TOX: variants seen among roughly 807,000 people sequenced by gnomAD.
The protein encoded by TOX is thymocyte selection associated high mobility group box.
Under a neutral mutation model 53.7 loss-of-function variants are expected in TOX, and 11 were observed. The observed-to-expected ratio is 0.20, with a 90% confidence interval of 0.13 to 0.34. The LOEUF (loss-of-function observed/expected upper bound fraction) is 0.34. Among genes scored for constraint, TOX ranks in the 10% least tolerant of loss-of-function variants. TOX has a pLI of 1.00. For missense variants in TOX, 570 were observed against 664.6 expected (o/e 0.86, Z 1.56); for synonymous variants, 225 against 245.3 (o/e 0.92, Z 0.77).
At chr8:58,862,978 A>G (rs1429918567) in intron 3 of TOX, among the ~76,000 whole-genome samples, 1 of 152,156 alleles carries the variant, frequency 6.6e-6, no homozygotes, top group Non-Finnish European at 1.5e-5. Flanking sequence ...AACTAATAAT[A>G]AGGTTTTAAT....
intron 3 of TOX, among the ~76,000 whole-genome samples, chr8:58,874,802 C>A (rs1023981753): frequency 6.6e-6 from 1 of 152,132 alleles, no homozygotes; most frequent in South Asian, 2.1e-4. Flanking sequence ...TATATCTAAA[C>A]CAGGGTGTCC....
chr8:59,059,083 G>A (rs893083452), intron 1 of TOX, among the ~76,000 whole-genome samples: 14 of 152,110 alleles, frequency 9.2e-5, no homozygotes, highest in African/African-American at 2.4e-5. Flanking sequence ...GAGGTATACC[G>A]GCAGCTTTTC....
At chr8:58,951,811 C>T (rs77756403) in intron 2 of TOX, among the ~76,000 whole-genome samples, 1,757 of 152,276 alleles carry the variant, frequency 0.012, 22 homozygotes, top group African/African-American at 0.039. Context: ...ACTTGTTTGG[C>T]TTTGCTACTG....
intron 2 of TOX, among the ~76,000 whole-genome samples, chr8:58,940,904 A>G (rs1319079381): frequency 6.6e-6 from 1 of 152,230 alleles, no homozygotes; most frequent in African/African-American, 2.4e-5. Context: ...ATCAGAAGAC[A>G]AGACTAAATG....
At chr8:59,102,264 G>C (rs1314499772) in intron 1 of TOX, among the ~76,000 whole-genome samples, 1 of 151,892 alleles carries the variant, frequency 6.6e-6, no homozygotes, top group Non-Finnish European at 1.5e-5. Flanking sequence ...GTCTTGCTTT[G>C]TCCCCCAGCC....
At chr8:59,029,890 C>T (rs960717039) in intron 1 of TOX, among the ~76,000 whole-genome samples, 1 of 152,146 alleles carries the variant, frequency 6.6e-6, no homozygotes, top group Non-Finnish European at 1.5e-5. Context: ...GGCAGAATCC[C>T]TCACACAATG....
intron 7 of TOX, 131 bp downstream of exon 7, chr8:58,815,207 T>C (rs1251267893): frequency 3.3e-6 from 4 of 1,218,722 alleles, no homozygotes; most frequent in Non-Finnish European, 4.4e-6. Context: ...TCTTTAGTGC[T>C]CTCTTGACTT....
intron 1 of TOX, among the ~76,000 whole-genome samples, chr8:58,978,777 C>T (rs1813151812): frequency 6.6e-6 from 1 of 152,122 alleles, no homozygotes; most frequent in Non-Finnish European, 1.5e-5. Context: ...ATTAGGGTTC[C>T]CTGTTGGTAT....
At chr8:58,834,685 C>T (rs536673141) in intron 5 of TOX, among the ~76,000 whole-genome samples, 1 of 152,308 alleles carries the variant, frequency 6.6e-6, no homozygotes, top group African/African-American at 2.4e-5. Context: ...TAGAGAAGGG[C>T]TGCTGTGGAG....
In TOX at chr8:59,063,426, C is replaced by CTT. The variant is rs35219789; in HGVS notation, c.102+55458_102+55459dup. 2.2e-3 allele frequency among the ~76,000 whole-genome samples: 273 copies of CTT among 123,786 alleles called. 6 individuals carry two copies. The highest frequency in any genetic ancestry group is 7.4e-3 in the African/African-American group (233 of 31,366). 81.2% of individuals were successfully genotyped at this position (123,786 alleles called of 152,430 possible). A position where few individuals can be genotyped will look rare whatever the true frequency, so the allele number is the denominator to read the frequency against. On this transcript the variant is annotated intron_variant, in intron 1 of 8. Coordinates refer to ENST00000361421, the MANE Select transcript of TOX (RefSeq NM_014729.3). ...GGGATTACTTGACTAAGGATATAGA[C>CTT]TTTTTTTTTTTTTTTTTTTGAGATG...
intron 4 of TOX, among the ~76,000 whole-genome samples, chr8:58,839,929 A>G (rs1224951685): frequency 6.6e-6 from 1 of 152,138 alleles, no homozygotes; most frequent in Non-Finnish European, 1.5e-5. Context: ...TGGTTAAATT[A>G]ATTTCTCCGG....
chr8:58,897,727 T>A (rs1811675938), intron 3 of TOX, among the ~76,000 whole-genome samples: 1 of 150,182 alleles, frequency 6.7e-6, no homozygotes, highest in African/African-American at 2.5e-5. Context: ...ACATCCTACA[T>A]ACATGAGTCA....
chr8:59,008,369 G>C (rs1231039894), intron 1 of TOX, among the ~76,000 whole-genome samples: 1 of 152,208 alleles, frequency 6.6e-6, no homozygotes, highest in Non-Finnish European at 1.5e-5. Context: ...AAGAAACAGT[G>C]GGAGTTCCAT....
At chr8:58,927,939 G>A (rs970786822) in intron 3 of TOX, among the ~76,000 whole-genome samples, 2 of 152,132 alleles carry the variant, frequency 1.3e-5, no homozygotes, top group Non-Finnish European at 2.9e-5. Flanking sequence ...ACCCACAGGC[G>A]TACCCACCAC....
intron 3 of TOX, among the ~76,000 whole-genome samples, chr8:58,933,637 A>G (rs1007730321): frequency 6.6e-6 from 1 of 152,166 alleles, no homozygotes; most frequent in Non-Finnish European, 1.5e-5. Context: ...TAAGTAACTA[A>G]AATGACAAAC....
At chr8:59,040,868 G>C (rs576868739) in intron 1 of TOX, among the ~76,000 whole-genome samples, 13 of 152,258 alleles carry the variant, frequency 8.5e-5, no homozygotes, top group African/African-American at 2.9e-4. Context: ...TTTCTTCCTG[G>C]CTCCTGGCTC....
intron 1 of TOX, among the ~76,000 whole-genome samples, chr8:58,963,824 T>C (rs906622938): frequency 2.0e-5 from 3 of 152,214 alleles, no homozygotes; most frequent in Non-Finnish European, 2.9e-5. Context: ...GGTGCATACC[T>C]TCCTTATCTT....
At chr8:59,043,381 T>C (rs1227691869) in intron 1 of TOX, among the ~76,000 whole-genome samples, 2 of 151,350 alleles carry the variant, frequency 1.3e-5, no homozygotes, top group Non-Finnish European at 2.9e-5. Flanking sequence ...TTATTTATTT[T>C]TAAGTATTTT....
chr8:58,961,913 A>G lies in TOX; in HGVS notation c.103-1905T>C, dbSNP rs115675559. 4.7e-3 allele frequency among the ~76,000 whole-genome samples: 721 copies of G among 152,304 alleles called. 3 individuals are homozygous for G. Among genetic ancestry groups the G allele is most frequent in the African/African-American group, 0.017 (695 of 41,566 alleles). ...AAAGAGCCTCACTGTGCATTTCTTC[A>G]TCTCCACCCACTGTTGGAGTACACT... On this transcript the variant is annotated intron_variant, in intron 1 of 8. Transcript: ENST00000361421.
Sources: gnomAD v4.1 joint callset for allele counts (sites outside exome capture counted in the v4.1 genomes callset) on GRCh38, gnomAD v4.1.1 for gene constraint, MANE v1.5 for transcripts, NCBI Gene and HGNC (gene_info 2026-07-23, HGNC 2026-07-21) for gene names.